Variants in EBF1 observed in about 807,000 individuals in gnomAD.
The protein encoded by EBF1 is EBF transcription factor 1, also known as transcription factor COE1.
In EBF1, 10 loss-of-function variants were observed where a neutral mutation model predicts 68.4. The observed-to-expected ratio is 0.15, with a 90% CI of 0.09 to 0.25. EBF1 has a LOEUF of 0.25. Among genes scored for constraint, EBF1 ranks in the 10% least tolerant of loss-of-function variants. The pLI, the probability that EBF1 is intolerant of heterozygous loss-of-function variation, is 1.00. For synonymous variants in EBF1, 298 were observed against 299.8 expected (o/e 0.99, Z 0.06); for missense variants, 509 against 794.4 (o/e 0.64, Z 4.32).
At chr5:158,838,467 GAAAAGAAA>G (rs1265106131) in intron 7 of EBF1, among the ~76,000 whole-genome samples, 2 of 138,786 alleles carry the variant, frequency 1.4e-5, no homozygotes, top group African/African-American at 2.7e-5. Context: ...AAAAACGAAA[GAAAAGAAA>G]AAAAGAAACA....
At chr5:159,027,047 G>A (rs1767840584) in intron 6 of EBF1, among the ~76,000 whole-genome samples, 1 of 152,132 alleles carries the variant, frequency 6.6e-6, no homozygotes, top group South Asian at 2.1e-4. Context: ...GACCATTAGT[G>A]CATATTTTCA....
intron 6 of EBF1, among the ~76,000 whole-genome samples, chr5:158,870,986 G>A (rs1716420477): frequency 6.6e-6 from 1 of 152,222 alleles, no homozygotes; most frequent in Admixed American, 6.5e-5. Flanking sequence ...CTATAGGACA[G>A]ACTGGGACCA....
At chr5:158,875,431 T>G (rs537956773) in intron 6 of EBF1, among the ~76,000 whole-genome samples, 1 of 152,234 alleles carries the variant, frequency 6.6e-6, no homozygotes, top group African/African-American at 2.4e-5. Flanking sequence ...GAGCACTTCC[T>G]ATCCGAAAAC....
At chr5:158,978,738 AT>A (rs1337650557) in intron 6 of EBF1, among the ~76,000 whole-genome samples, 1 of 150,062 alleles carries the variant, frequency 6.7e-6, no homozygotes, top group Non-Finnish European at 1.5e-5. Flanking sequence ...CTATTGTTTG[AT>A]TTTTCTTTGG....
At chr5:158,934,441 AAGAG>A (rs981305032) in intron 6 of EBF1, among the ~76,000 whole-genome samples, 2 of 152,300 alleles carry the variant, frequency 1.3e-5, no homozygotes, top group South Asian at 4.1e-4. Context: ...GGTCATTTGA[AAGAG>A]AGAGAAATGG....
At chr5:158,757,344 A>G (rs1288307626) in intron 10 of EBF1, among the ~76,000 whole-genome samples, 1 of 152,136 alleles carries the variant, frequency 6.6e-6, no homozygotes, top group Non-Finnish European at 1.5e-5. Context: ...CTTCTACTGC[A>G]TCAAGTCAGA....
chr5:158,726,414 A>G (rs554243813), intron 11 of EBF1, among the ~76,000 whole-genome samples: 1 of 152,268 alleles, frequency 6.6e-6, no homozygotes, highest in African/African-American at 2.4e-5. Flanking sequence ...ACAACCAATG[A>G]GTGTAATTAC....
At chr5:158,838,228 A>G (rs1789285024) in intron 7 of EBF1, among the ~76,000 whole-genome samples, 1 of 151,968 alleles carries the variant, frequency 6.6e-6, no homozygotes, top group African/African-American at 2.4e-5. Flanking sequence ...AGCAGATCAC[A>G]AGGTCAGGAG....
intron 6 of EBF1, among the ~76,000 whole-genome samples, chr5:159,054,043 C>T (rs1447252056): frequency 6.6e-6 from 1 of 152,196 alleles, no homozygotes; most frequent in African/African-American, 2.4e-5. Flanking sequence ...ACCGAATTCC[C>T]TAGAACCAAG....
chr5:159,064,824 C>A (rs959580412), intron 6 of EBF1, among the ~76,000 whole-genome samples: 1 of 150,998 alleles, frequency 6.6e-6, no homozygotes. Context: ...TCAAAGATAA[C>A]CAGGTGAACC....
At chr5:158,893,875 G>A (rs1801666725) in intron 6 of EBF1, among the ~76,000 whole-genome samples, 1 of 152,050 alleles carries the variant, frequency 6.6e-6, no homozygotes, top group Admixed American at 6.6e-5. Context: ...GGCTCTTCGG[G>A]GACCAAATTA....
Position 158,999,086 on chromosome 5 carries a change from G to GA in EBF1, c.554+74309dup, listed in dbSNP as rs796652850. On this transcript the variant is annotated intron_variant, in intron 6 of 15. Coordinates refer to ENST00000313708, the MANE Select transcript of EBF1 (RefSeq NM_024007.5). Reference sequence around the variant, plus strand: ...TTTGTGTTTCATTTTCTCTTTGAAAGAAAAAAAAAAATCTGACAGAAAAAG... The same window carrying GA: ...TTTGTGTTTCATTTTCTCTTTGAAAGAAAAAAAAAAAATCTGACAGAAAAAG... Among the ~76,000 whole-genome samples the GA allele has an allele frequency of 3.1e-3, 451 of 143,876 alleles. 3 individuals are homozygous for GA. Among genetic ancestry groups the GA allele is most frequent in the African/African-American group, 0.01 (395 of 39,430 alleles). The allele number at this position is 143,876 out of a possible 152,430, so 94.4% of individuals were successfully genotyped here. A position where few individuals can be genotyped will look rare whatever the true frequency, so the allele number is the denominator to read the frequency against.
intron 6 of EBF1, among the ~76,000 whole-genome samples, chr5:158,932,296 A>C (rs934944976): frequency 1.3e-5 from 2 of 152,240 alleles, no homozygotes; most frequent in African/African-American, 4.8e-5. Flanking sequence ...CACATGATAC[A>C]ATATTATACA....
chr5:159,078,699 G>T (rs1402011872), intron 5 of EBF1, among the ~76,000 whole-genome samples: 1 of 152,182 alleles, frequency 6.6e-6, no homozygotes, highest in East Asian at 1.9e-4. Flanking sequence ...TGAGAACAAT[G>T]TGGCCAGTCT....
At chr5:158,835,265 C>T (rs941156554) in intron 7 of EBF1, among the ~76,000 whole-genome samples, 5 of 152,290 alleles carry the variant, frequency 3.3e-5, no homozygotes, top group East Asian at 1.9e-4. Context: ...GAGATGTCTT[C>T]GGGGTGATTT....
At position 158,937,819 on chromosome 5, in the gene EBF1, C is replaced by T. The variant is rs886644505; in HGVS notation, c.555-97709G>A. Among the ~76,000 whole-genome samples the T allele has an allele frequency of 5.3e-5, 8 of 152,296 alleles. No homozygotes were observed. In the East Asian group the frequency reaches 1.4e-3, roughly 26 times the overall value. On this transcript the variant is annotated intron_variant, in intron 6 of 15. Transcript: ENST00000313708. ...CGCACGGCTCCACACTTCAATGACA[C>T]GTCAAGATGTATTTCATCAGGCACC...
rs182872085 is a variant in EBF1, at chr5:159,074,416, A to G, written c.486-952T>C. Among the ~76,000 whole-genome samples, 8 of 152,350 alleles carry G rather than the reference A, an allele frequency of 5.3e-5. No homozygotes were observed. The East Asian group carries it at 1.5e-3, about 29-fold the overall frequency. ...CATACTTATAAAAGCAGTGAAGTAG[A>G]TGGGGAGGGAGGTCCTCCAAAACTT... On this transcript the variant is annotated intron_variant, in intron 5 of 15. Coordinates refer to ENST00000313708, the MANE Select transcript of EBF1 (RefSeq NM_024007.5).
At chr5:159,094,989 T>C (rs1458880802) in intron 4 of EBF1, among the ~76,000 whole-genome samples, 1 of 152,218 alleles carries the variant, frequency 6.6e-6, no homozygotes, top group East Asian at 1.9e-4. Context: ...ATGCCGTCTA[T>C]GTACCTTTAA....
rs753865088 is a variant in EBF1 at position 159,096,409 on chromosome 5, G to A, written c.292-3C>T. The A allele has an allele frequency of 1.2e-6, 2 of 1,613,030 alleles. No homozygotes were observed. The highest frequency in any genetic ancestry group is 1.7e-6 in the Non-Finnish European group (2 of 1,179,584). ...TTGGTCTTTTCGCTGTTGGCTTCCT[G>A]GGTTGCATCAGGACGCAAAGACACA... On this transcript the variant is annotated splice_region_variant and splice_polypyrimidine_tract_variant and intron_variant, in intron 2 of 15. Transcript: ENST00000313708.
Sources: allele counts gnomAD v4.1 joint callset (sites outside exome capture counted in the v4.1 genomes callset), GRCh38; gene constraint gnomAD v4.1.1; transcripts MANE v1.5; gene names NCBI Gene and HGNC (gene_info 2026-07-23, HGNC 2026-07-21).